The following TTC27 variants were observed in gnomAD, a reference collection of about 807,000 sequenced individuals.
TTC27 encodes the protein tetratricopeptide repeat domain 27.
Under a neutral mutation model 115.9 loss-of-function variants are expected in TTC27, and 79 were observed. The ratio of observed to expected loss-of-function variants is 0.68; its 90% CI spans 0.57 to 0.82. The LOEUF (loss-of-function observed/expected upper bound fraction) is 0.82, where lower values mean the gene tolerates loss of function less well. Ranked by LOEUF, TTC27 falls within the 40% of genes least tolerant of loss-of-function variation. TTC27 has a pLI of 0.00. For missense variants in TTC27, 1,054 were observed against 993.1 expected, an observed-to-expected ratio of 1.06 and a Z score of -0.82; for synonymous variants, 401 against 356.0, an observed-to-expected ratio of 1.13 and a Z score of -1.42.
chr2:32,720,528 A>G (rs1052618848), intron 10 of TTC27, among the ~76,000 whole-genome samples: 5 of 152,216 alleles, frequency 3.3e-5, no homozygotes, highest in Non-Finnish European at 5.9e-5. Flanking sequence ...CAAAGCTAAC[A>G]GGAACAGAAT....
chr2:32,729,655 G>T (rs1426295219), intron 10 of TTC27, among the ~76,000 whole-genome samples: 1 of 152,032 alleles, frequency 6.6e-6, no homozygotes, highest in South Asian at 2.1e-4. Flanking sequence ...GTCACCTCTG[G>T]TATATCCAGC....
chr2:32,683,735 GT>G (rs1323638562), intron 9 of TTC27, among the ~76,000 whole-genome samples: 2 of 152,106 alleles, frequency 1.3e-5, no homozygotes, highest in African/African-American at 4.8e-5. Flanking sequence ...AATTAGCTGT[GT>G]TATCTACATT....
At chr2:32,789,852 T>C (rs1269464217) in intron 16 of TTC27, among the ~76,000 whole-genome samples, 2 of 140,188 alleles carry the variant, frequency 1.4e-5, no homozygotes, top group Non-Finnish European at 3.0e-5. Context: ...GCTGGAGAGG[T>C]TGAAGCTGCA....
In TTC27 at chr2:32,648,664, A is replaced by C. The variant is rs1407661083; in HGVS notation, c.538-1467A>C. Among the ~76,000 whole-genome samples the C allele has an allele frequency of 2.0e-5, 3 of 152,128 alleles. No homozygotes were observed. In the East Asian group the frequency reaches 5.8e-4, roughly 29 times the overall value. On this transcript the variant is annotated intron_variant, in intron 4 of 19. Transcript: ENST00000317907. ...AAGTAAGAAAAAGCATCAGCGAATA[A>C]AAGAAAAAGCTACTATATGCTCAGC...
intron 13 of TTC27, among the ~76,000 whole-genome samples, chr2:32,763,082 G>C (rs1329121373): frequency 6.6e-6 from 1 of 152,222 alleles, no homozygotes; most frequent in Non-Finnish European, 1.5e-5. Flanking sequence ...TATTTACGTA[G>C]ACAAAGAAAT....
chr2:32,692,036 G>GTTTTTCTTTTTTTTTT (rs1666830810), intron 9 of TTC27, among the ~76,000 whole-genome samples: 1 of 61,188 alleles, frequency 1.6e-5, no homozygotes, highest in Non-Finnish European at 2.9e-5. Context: ...AATTTTTTAG[G>GTTTTTCTTTTTTTTTT]TTTTTTTTTT....
Position 32,782,765 on chromosome 2 carries a change from T to C in TTC27, c.1832+87T>C. ...CAACTGAACATTGTTTCAATGTTTC[T>C]CCTTGTTTTACCTTTCTCGCCCATG... On this transcript the variant is annotated intron_variant, in intron 15 of 19. Transcript: ENST00000317907. The C allele has an allele frequency of 1.8e-6, 2 of 1,117,944 alleles. 1 individual carries two copies. Among genetic ancestry groups the C allele is most frequent in the South Asian group, 2.9e-5 (2 of 68,484 alleles). 69.3% of individuals were successfully genotyped at this position (1,117,944 alleles called of 1,614,324 possible).
chr2:32,791,745 T>C (rs6753179), intron 16 of TTC27, among the ~76,000 whole-genome samples: 66,718 of 152,010 alleles, frequency 0.44, 15,127 homozygotes, highest in South Asian at 0.57. Flanking sequence ...CATGGTGGGA[T>C]GTGCCTACAG....
chr2:32,736,837 A>T, intron 12 of TTC27, 21 bp downstream of exon 12: 1 of 1,611,966 alleles, frequency 6.2e-7, no homozygotes, highest in Non-Finnish European at 8.5e-7. Flanking sequence ...GTCCAATTTG[A>T]TGTACTGGTG....
chr2:32,785,317 A>G (rs1445693527), intron 15 of TTC27, among the ~76,000 whole-genome samples: 1 of 152,164 alleles, frequency 6.6e-6, no homozygotes, highest in Non-Finnish European at 1.5e-5. Flanking sequence ...ACTTTTGATC[A>G]TAGAATTTAT....
chr2:32,699,660 A>C (rs1182862784), intron 9 of TTC27, among the ~76,000 whole-genome samples: 1 of 152,212 alleles, frequency 6.6e-6, no homozygotes, highest in Non-Finnish European at 1.5e-5. Context: ...TGTTTTATAA[A>C]ATATATTGAA....
intron 1 of TTC27, among the ~76,000 whole-genome samples, chr2:32,629,936 G>T (rs1479423571): frequency 6.6e-6 from 1 of 152,178 alleles, no homozygotes. Context: ...GGTGCTTCCA[G>T]TGACAGGAAG....
intron 9 of TTC27, among the ~76,000 whole-genome samples, chr2:32,696,256 C>T (rs909138424): frequency 6.6e-6 from 1 of 150,402 alleles, no homozygotes; most frequent in African/African-American, 2.4e-5. Flanking sequence ...TGTTTCTATA[C>T]CACATTTTTG....
intron 5 of TTC27, among the ~76,000 whole-genome samples, chr2:32,651,209 G>T (rs1665110440): frequency 6.6e-6 from 1 of 152,206 alleles, no homozygotes; most frequent in African/African-American, 2.4e-5. Context: ...GACATGAGGA[G>T]TGGTAGTTAG....
rs184290844 is a variant in TTC27 at position 32,677,533 on chromosome 2, T to G, written c.1053-1323T>G. 7.9e-5 allele frequency among the ~76,000 whole-genome samples: 12 copies of G among 152,244 alleles called. No individual in the cohort carries two copies. In the East Asian group the frequency reaches 1.5e-3, roughly 20 times the overall value. ...GGCGCAATCTTGGCTCACTGCAACCTCCGCCTCACAAGTTCAAGCAATCCT... is the reference window on the plus strand; with the variant it reads ...GGCGCAATCTTGGCTCACTGCAACCGCCGCCTCACAAGTTCAAGCAATCCT... On this transcript the variant is annotated intron_variant, in intron 8 of 19. Coordinates refer to ENST00000317907, the MANE Select transcript of TTC27 (RefSeq NM_017735.5).
chr2:32,677,170 T>C (rs1269553426), intron 8 of TTC27, among the ~76,000 whole-genome samples: 1 of 152,182 alleles, frequency 6.6e-6, no homozygotes, highest in African/African-American at 2.4e-5. Flanking sequence ...GTGATTTGCT[T>C]GTTTTCTCTC....
At chr2:32,787,274 G>T (rs1391469312) in intron 16 of TTC27, 125 bp downstream of exon 16, 11 of 1,059,982 alleles carry the variant, frequency 1.0e-5, no homozygotes, top group Non-Finnish European at 1.5e-5. Flanking sequence ...TATGAAAAGG[G>T]TATTTTTTTC....
chr2:32,717,624 A>T (rs1397721455), intron 10 of TTC27, among the ~76,000 whole-genome samples: 6 of 152,174 alleles, frequency 3.9e-5, no homozygotes. Context: ...GTCTTTGTGA[A>T]AAGTATTTTT....
intron 1 of TTC27, among the ~76,000 whole-genome samples, chr2:32,629,444 T>A (rs28532016): frequency 1.4e-5 from 2 of 145,678 alleles, no homozygotes; most frequent in Admixed American, 6.9e-5. Flanking sequence ...TTATTTTTTT[T>A]ATTTTTTTGA....
Sources: gnomAD v4.1 joint callset for allele counts (sites outside exome capture counted in the v4.1 genomes callset) on GRCh38, gnomAD v4.1.1 for gene constraint, MANE v1.5 for transcripts, NCBI Gene and HGNC (gene_info 2026-07-23, HGNC 2026-07-21) for gene names.